Variants in ZNF329 observed in about 807,000 individuals in gnomAD.
The protein encoded by ZNF329 is zinc finger protein 329.
A neutral mutation model predicts 26.6 loss-of-function variants in ZNF329; 15 were observed. That is an observed-to-expected ratio of 0.56 (90% CI 0.38 to 0.87). The LOEUF is 0.87. Among genes scored for constraint, ZNF329 ranks in the 40% least tolerant of loss-of-function variants. ZNF329 has a pLI of 0.00. For synonymous variants in ZNF329, 239 were observed against 233.5 expected (o/e 1.02, Z -0.21); for missense variants, 651 against 651.9 (o/e 1.00, Z 0.02).
At chr19:58,134,330 C>T (rs1234645229) in intron 3 of ZNF329, among the ~76,000 whole-genome samples, 3 of 152,154 alleles carry the variant, frequency 2.0e-5, no homozygotes, top group Non-Finnish European at 2.9e-5. Flanking sequence ...ACAAAAAACC[C>T]GATCAATCCA....
intron 3 of ZNF329, among the ~76,000 whole-genome samples, chr19:58,135,375 G>T (rs1392591592): frequency 6.6e-6 from 1 of 151,984 alleles, no homozygotes; most frequent in East Asian, 1.9e-4. Context: ...GGTTCAAGCA[G>T]TTCTCCTGCC....
upstream of ZNF329, chr19:58,150,854 C>G (rs915399021): frequency 2.6e-5 from 4 of 152,656 alleles, no homozygotes; most frequent in Admixed American, 2.0e-4. Context: ...CCCCGCCCAA[C>G]GCTGGGGCGG....
chr19:58,127,031 C>T lies in ZNF329; in HGVS notation c.*847G>A, dbSNP rs1026451422. ...ATTCACCTAGTTTGCCCTCCTGCAA[C>T]GAGTCCTCAGCATTATTGCAGGAGT... is the stretch of plus-strand genomic sequence containing the variant. On this transcript the variant is annotated 3_prime_UTR_variant, in exon 4 of 4. Transcript: ENST00000598312. 3 of 152,202 alleles carry T rather than the reference C, an allele frequency of 2.0e-5. No homozygotes were observed. The highest frequency in any genetic ancestry group is 1.9e-4 in the East Asian group (1 of 5,200). 9.4% of individuals were successfully genotyped at this position (152,202 alleles called of 1,614,324 possible). A position where few individuals can be genotyped will look rare whatever the true frequency, so the allele number is the denominator to read the frequency against.
intron 1 of ZNF329, among the ~76,000 whole-genome samples, chr19:58,148,600 CCCA>C: frequency 6.6e-6 from 1 of 151,990 alleles, no homozygotes; most frequent in Non-Finnish European, 1.5e-5. Flanking sequence ...CACCTGTAAT[CCCA>C]CCACTTTGGG....
chr19:58,142,445 T>C (rs2075209356), intron 3 of ZNF329, 112 bp downstream of exon 3: 1 of 152,678 alleles, frequency 6.5e-6, no homozygotes, highest in Non-Finnish European at 1.5e-5. Context: ...TCAGAACCAC[T>C]AGTCTAGACC....
Position 58,127,639 on chromosome 19 carries a change from T to C in ZNF329, c.*239A>G. 1 of 424,270 alleles carries C rather than the reference T, an allele frequency of 2.4e-6. No homozygotes were observed. Among genetic ancestry groups the C allele is most frequent in the South Asian group, 7.3e-5 (1 of 13,734 alleles). 26.3% of individuals were successfully genotyped at this position (424,270 alleles called of 1,614,324 possible). ...GCACATTTCATTCCAGTGTGTGTGT[T>C]GTCATGTCTGGTACAGACTGAATCA... On this transcript the variant is annotated 3_prime_UTR_variant, in exon 4 of 4. Transcript: ENST00000598312.
At chr19:58,134,440 T>G (rs965422753) in intron 3 of ZNF329, among the ~76,000 whole-genome samples, 1 of 152,230 alleles carries the variant, frequency 6.6e-6, no homozygotes. Flanking sequence ...ATGGCCTTGA[T>G]GGGTCAGATA....
At chr19:58,134,602 T>C (rs1301731554) in intron 3 of ZNF329, among the ~76,000 whole-genome samples, 1 of 152,116 alleles carries the variant, frequency 6.6e-6, no homozygotes, top group Non-Finnish European at 1.5e-5. Flanking sequence ...AAATTTCAAG[T>C]GAGGATCACA....
chr19:58,139,014 T>C (rs1373035425), intron 3 of ZNF329, among the ~76,000 whole-genome samples: 1 of 151,684 alleles, frequency 6.6e-6, no homozygotes, highest in African/African-American at 2.4e-5. Context: ...ATCAGACATA[T>C]ACAGGGTGAT....
intron 1 of ZNF329, among the ~76,000 whole-genome samples, chr19:58,145,749 A>G (rs1408520242): frequency 6.6e-6 from 1 of 152,200 alleles, no homozygotes; most frequent in African/African-American, 2.4e-5. Context: ...CATCTCTAGA[A>G]TGGCTTATCA....
In ZNF329 at chr19:58,149,680, G is replaced by A. The variant is rs569021371; in HGVS notation, c.-208+1072C>T. ...CAGACAAAAACTGGGTATTCAAAAC[G>A]TACTTCAACAAGCCCAAGTTCCTAT... On this transcript the variant is annotated intron_variant, in intron 1 of 3. Coordinates refer to ENST00000598312, the MANE Select transcript of ZNF329 (RefSeq NM_024620.4). 1.4e-4 allele frequency among the ~76,000 whole-genome samples: 22 copies of A among 152,206 alleles called. No individual in the cohort carries two copies. The East Asian group carries it at 4.3e-3, about 29-fold the overall frequency.
rs541587698 is a variant in ZNF329 at position 58,142,629 on chromosome 19, C to T, written c.-81G>A. 1 of 152,764 alleles carries T rather than the reference C, an allele frequency of 6.5e-6. No homozygotes were observed. Among genetic ancestry groups the T allele is most frequent in the South Asian group, 2.1e-4 (1 of 4,826 alleles). 9.5% of individuals were successfully genotyped at this position (152,764 alleles called of 1,614,324 possible). On this transcript the variant is annotated 5_prime_UTR_variant, in exon 3 of 4. The change abolishes an upstream ATG in the 5' untranslated region. Transcript: ENST00000598312. The stretch of plus-strand genomic sequence containing the variant: ...ACATCGATGGTTGCTGGACATTAGC[C>T]ATTTATGCCCATCCACACGGCTCCA...
At chr19:58,131,263 G>T (rs1281913441) in intron 3 of ZNF329, among the ~76,000 whole-genome samples, 1 of 151,834 alleles carries the variant, frequency 6.6e-6, no homozygotes, top group Non-Finnish European at 1.5e-5. Flanking sequence ...AAAACCATAT[G>T]GCCAAGCATT....
chr19:58,132,114 C>A (rs188102786), intron 3 of ZNF329: 4 of 148,544 alleles, frequency 2.7e-5, no homozygotes, highest in East Asian at 3.9e-4. Flanking sequence ...TTCCAAACTG[C>A]GACTTTAAGA....
At chr19:58,144,640 C>G (rs532132816) in intron 1 of ZNF329, among the ~76,000 whole-genome samples, 1 of 151,108 alleles carries the variant, frequency 6.6e-6, no homozygotes, top group Admixed American at 6.6e-5. Flanking sequence ...CTGCCTGCCT[C>G]GACCTCCCAA....
At chr19:58,147,435 C>T (rs1467574127) in intron 1 of ZNF329, among the ~76,000 whole-genome samples, 8 of 148,980 alleles carry the variant, frequency 5.4e-5, no homozygotes, top group African/African-American at 1.3e-4. Context: ...GCCAGCCCCC[C>T]GCCCGGCCAG....
In ZNF329 at chr19:58,129,081, T is replaced by A. The variant is rs1294229826; in HGVS notation, c.423A>T (p.Pro141=). Residue 141 remains proline, a synonymous_variant, in exon 4 of 4, where the codon CCA becomes CCT. Transcript: ENST00000598312. The part of the protein sequence containing the change: ...HSMEVIHGRN[P]VREKPYKYPE... ...GGTATTTGTAGGGCTTCTCTCTCAC[T>A]GGATTTCTTCCATGAATAACTTCCA... 1 of 1,614,088 alleles carries A rather than the reference T, an allele frequency of 6.2e-7. No individual in the cohort carries two copies. The highest frequency in any genetic ancestry group is 2.2e-5 in the East Asian group (1 of 44,886).
chr19:58,141,266 G>A (rs2075180523), intron 3 of ZNF329, among the ~76,000 whole-genome samples: 1 of 151,838 alleles, frequency 6.6e-6, no homozygotes, highest in Non-Finnish European at 1.5e-5. Context: ...AAAGTGCTGG[G>A]ATTACAGTTG....
chr19:58,151,346 C>A (rs1269398529), upstream of ZNF329, among the ~76,000 whole-genome samples: 1 of 152,064 alleles, frequency 6.6e-6, no homozygotes, highest in Non-Finnish European at 1.5e-5. Flanking sequence ...TGCAACGGAG[C>A]AATAGGGGGT....
Sources: allele counts gnomAD v4.1 joint callset (sites outside exome capture counted in the v4.1 genomes callset), GRCh38; gene constraint gnomAD v4.1.1; transcripts MANE v1.5; gene names NCBI Gene and HGNC (gene_info 2026-07-23, HGNC 2026-07-21).